Variants in ZNF292 observed in about 807,000 individuals in gnomAD.
The protein encoded by ZNF292 is 16 zinc-finger domain protein.
ZNF292 carries 26 observed loss-of-function variants against 217.9 expected under a neutral mutation model. The observed-to-expected ratio is 0.12, with a 90% CI of 0.09 to 0.17. The LOEUF (loss-of-function observed/expected upper bound fraction) is 0.17. Among genes scored for constraint, ZNF292 ranks in the 10% least tolerant of loss-of-function variants. The pLI is 1.00. For synonymous variants in ZNF292, 1,257 were observed against 1,124.1 expected, an observed-to-expected ratio of 1.12 and a Z score of -2.37; for missense variants, 2,904 against 3,175.2, an observed-to-expected ratio of 0.91 and a Z score of 2.05.
chr6:87,222,615 T>C (rs1773138419), intron 4 of ZNF292, among the ~76,000 whole-genome samples: 2 of 152,238 alleles, frequency 1.3e-5, no homozygotes, highest in African/African-American at 4.8e-5. Context: ...AGAGTTTCCA[T>C]ATACCCTGAA....
At chr6:87,161,027 A>G (rs1770735591) in intron 1 of ZNF292, among the ~76,000 whole-genome samples, 1 of 152,138 alleles carries the variant, frequency 6.6e-6, no homozygotes, top group Admixed American at 6.6e-5. Context: ...CTCCAGAAAT[A>G]TACTTTATTT....
At chr6:87,165,757 CTT>C (rs71014998) in intron 1 of ZNF292, among the ~76,000 whole-genome samples, 32 of 131,238 alleles carry the variant, frequency 2.4e-4, no homozygotes, top group Admixed American at 3.2e-4. Flanking sequence ...GTTTACATTT[CTT>C]TTTTTTTTTT....
rs376719270 is a variant in ZNF292, at chr6:87,257,108, C to T, written c.3479C>T (p.Pro1160Leu). The T allele has an allele frequency of 3.0e-5, 49 of 1,613,846 alleles. No homozygotes were observed. Among genetic ancestry groups the T allele is most frequent in the Middle Eastern group, 3.3e-4 (2 of 6,058 alleles). The change falls in exon 8 of 8, where the codon CCG becomes CTG. Residue 1160 changes from proline to leucine, a missense_variant. Pro to Leu is a moderately conservative substitution (Grantham distance 98). This residue lies in a region of ZNF292 where 687 missense variants were observed against 623.0 expected (regional missense o/e 1.10). Transcript: ENST00000369577. ...NGKFVYFLPS[P>L]VNSSNPFFTS... ...AAGTTTGTTTATTTTTTGCCATCACCGGTGAACAGCTCAAATCCATTTTTT... is the reference window on the plus strand; with the variant it reads ...AAGTTTGTTTATTTTTTGCCATCACTGGTGAACAGCTCAAATCCATTTTTT...
At chr6:87,187,420 T>C (rs1233156450) in intron 1 of ZNF292, among the ~76,000 whole-genome samples, 1 of 150,076 alleles carries the variant, frequency 6.7e-6, no homozygotes, top group East Asian at 2.0e-4. Flanking sequence ...CACTCTGTGG[T>C]CAAATGTTTG....
At chr6:87,160,533 A>G (rs1770703462) in intron 1 of ZNF292, among the ~76,000 whole-genome samples, 1 of 150,448 alleles carries the variant, frequency 6.6e-6, no homozygotes, top group Non-Finnish European at 1.5e-5. Flanking sequence ...GCAAGGACCT[A>G]GGTTTAGATG....
chr6:87,231,940 T>C (rs77347188), intron 4 of ZNF292, among the ~76,000 whole-genome samples: 1,811 of 152,298 alleles, frequency 0.012, 21 homozygotes, highest in Middle Eastern at 0.058. Flanking sequence ...TAAAATCTTT[T>C]GCTTTGGCAG....
intron 1 of ZNF292, among the ~76,000 whole-genome samples, chr6:87,163,938 G>A (rs1770832030): frequency 6.6e-6 from 1 of 152,184 alleles, no homozygotes; most frequent in Non-Finnish European, 1.5e-5. Context: ...TCTTGTAAGT[G>A]TAGATTTATG....
At chr6:87,237,391 G>A (rs914455495) in intron 5 of ZNF292, among the ~76,000 whole-genome samples, 5 of 152,064 alleles carry the variant, frequency 3.3e-5, no homozygotes, top group Non-Finnish European at 7.4e-5. Context: ...ACAGGTGCAC[G>A]CCGCCATGCC....
intron 4 of ZNF292, among the ~76,000 whole-genome samples, chr6:87,229,535 T>A (rs1388181469): frequency 6.6e-6 from 1 of 152,196 alleles, no homozygotes; most frequent in Non-Finnish European, 1.5e-5. Flanking sequence ...CAAGCAATTC[T>A]CCTGCCTCAG....
At chr6:87,166,172 C>T (rs1044345739) in intron 1 of ZNF292, among the ~76,000 whole-genome samples, 5 of 152,178 alleles carry the variant, frequency 3.3e-5, no homozygotes, top group East Asian at 1.9e-4. Flanking sequence ...GAACCCATTG[C>T]GCTCTCCCTC....
chr6:87,167,715 A>G (rs1455445604), intron 1 of ZNF292, among the ~76,000 whole-genome samples: 1 of 152,206 alleles, frequency 6.6e-6, no homozygotes, highest in Non-Finnish European at 1.5e-5. Flanking sequence ...TTTTCCTGTA[A>G]TACTTTTGAA....
intron 1 of ZNF292, among the ~76,000 whole-genome samples, chr6:87,162,736 T>C (rs549551836): frequency 6.6e-6 from 1 of 152,334 alleles, no homozygotes; most frequent in South Asian, 2.1e-4. Flanking sequence ...TCTGCAGCTG[T>C]ACTTCATAAC....
intron 4 of ZNF292, among the ~76,000 whole-genome samples, chr6:87,225,505 C>T (rs938375260): frequency 1.3e-5 from 2 of 152,126 alleles, no homozygotes; most frequent in African/African-American, 4.8e-5. Context: ...TCACATTTTA[C>T]ATATGGGTAT....
chr6:87,178,146 G>T (rs1315019726), intron 1 of ZNF292, among the ~76,000 whole-genome samples: 1 of 152,074 alleles, frequency 6.6e-6, no homozygotes, highest in Non-Finnish European at 1.5e-5. Context: ...TGCTACTAAA[G>T]GGATTTAATT....
chr6:87,192,476 CTG>C (rs1265858849), intron 1 of ZNF292, among the ~76,000 whole-genome samples: 1 of 151,838 alleles, frequency 6.6e-6, no homozygotes, highest in Non-Finnish European at 1.5e-5. Flanking sequence ...CCAATATACA[CTG>C]TAATTTTTCA....
intron 1 of ZNF292, among the ~76,000 whole-genome samples, chr6:87,212,975 C>T (rs1343563825): frequency 1.3e-5 from 2 of 152,182 alleles, no homozygotes; most frequent in African/African-American, 2.4e-5. Context: ...AACTTCCCTT[C>T]ATCCTCTGAA....
intron 1 of ZNF292, among the ~76,000 whole-genome samples, chr6:87,187,410 C>G (rs905003966): frequency 7.8e-6 from 1 of 127,906 alleles, no homozygotes; most frequent in Non-Finnish European, 1.7e-5. Flanking sequence ...TGAATGAACC[C>G]ACTCTGTGGT....
chr6:87,239,527 C>T lies in ZNF292; in HGVS notation c.742-3948C>T, dbSNP rs528042464. ...CTCCCTGATGGGGCGGCTGGCCGGG[C>T]GGGGGCTGCCCCCCACCTCCCGGAC... On this transcript the variant is annotated intron_variant, in intron 5 of 7. Coordinates refer to ENST00000369577, the MANE Select transcript of ZNF292 (RefSeq NM_015021.3). 9.9e-3 allele frequency among the ~76,000 whole-genome samples: 696 copies of T among 70,592 alleles called. 2 individuals carry two copies. The highest frequency in any genetic ancestry group is 0.034 in the African/African-American group (605 of 17,722). The allele number at this position is 70,592 out of a possible 152,430, so 46.3% of individuals were successfully genotyped here.
rs1268444607 is a variant in ZNF292, at chr6:87,265,806, T to G, written c.*4005T>G. On this transcript the variant is annotated 3_prime_UTR_variant, in exon 8 of 8. Coordinates refer to ENST00000369577, the MANE Select transcript of ZNF292 (RefSeq NM_015021.3). ...TGGTGATTATTCTGATTGATCAATT[T>G]ATATATCCCAATGGGTTGATTCCTT... Among the ~76,000 whole-genome samples the G allele has an allele frequency of 2.0e-5, 3 of 152,230 alleles. No homozygotes were observed. Among genetic ancestry groups the G allele is most frequent in the African/African-American group, 7.2e-5 (3 of 41,462 alleles).
Sources: allele counts gnomAD v4.1 joint callset (sites outside exome capture counted in the v4.1 genomes callset), GRCh38; gene constraint gnomAD v4.1.1; regional missense constraint gnomAD v4.1.1; transcripts MANE v1.5; gene names NCBI Gene and HGNC (gene_info 2026-07-23, HGNC 2026-07-21).